ZNF277: variants seen among roughly 807,000 people sequenced by gnomAD.
ZNF277 encodes zinc finger protein 277, also known as nuclear receptor-interacting factor 4.
ZNF277 carries 55 observed loss-of-function variants against 60.7 expected under a neutral mutation model. The ratio of observed to expected loss-of-function variants is 0.91; its 90% confidence interval spans 0.73 to 1.13. ZNF277 has a LOEUF of 1.13. ZNF277 is among the 50% of genes most tolerant of loss of function. The pLI is 0.00. For synonymous variants in ZNF277, 178 were observed against 179.3 expected, an observed-to-expected ratio of 0.99 and a Z score of 0.06; for missense variants, 510 against 523.0, an observed-to-expected ratio of 0.98 and a Z score of 0.24.
Position 112,317,893 on chromosome 7 carries a change from G to A in ZNF277, c.466-289G>A, listed in dbSNP as rs532439768. Among the ~76,000 whole-genome samples, 2 of 152,160 alleles carry A rather than the reference G, an allele frequency of 1.3e-5. 1 individual carries two copies. The highest frequency in any genetic ancestry group is 4.8e-5 in the African/African-American group (2 of 41,534). On this transcript the variant is annotated intron_variant, in intron 4 of 11. Transcript: ENST00000361822. ...AGATCCCAGCACAATTTTGGTTTTG[G>A]AAGAGGATAGGGATGGGAAAACACT...
chr7:112,325,225 C>A (rs1793068300), intron 5 of ZNF277, among the ~76,000 whole-genome samples: 1 of 152,192 alleles, frequency 6.6e-6, no homozygotes, highest in Non-Finnish European at 1.5e-5. Context: ...GGCTTGGAAT[C>A]CTGGGTAGTC....
At chr7:112,276,325 C>T (rs1459437301) in intron 1 of ZNF277, among the ~76,000 whole-genome samples, 1 of 152,182 alleles carries the variant, frequency 6.6e-6, no homozygotes, top group East Asian at 1.9e-4. Flanking sequence ...TATTCTTATT[C>T]AACCCCTGCG....
At chr7:112,262,502 TG>T (rs1325722791) in intron 1 of ZNF277, among the ~76,000 whole-genome samples, 1 of 152,126 alleles carries the variant, frequency 6.6e-6, no homozygotes, top group Non-Finnish European at 1.5e-5. Flanking sequence ...TATTTATTTA[TG>T]AAAAAAGTAC....
At chr7:112,336,448 TGCTCAG>T (rs1793336714) in intron 8 of ZNF277, among the ~76,000 whole-genome samples, 1 of 152,224 alleles carries the variant, frequency 6.6e-6, no homozygotes, top group African/African-American at 2.4e-5. Flanking sequence ...GTGCTTTGCC[TGCTCAG>T]TTAGTGCTCA....
rs201063302 is a variant in ZNF277, at chr7:112,235,343, A to T, written c.91+28536A>T. 2.8e-4 allele frequency among the ~76,000 whole-genome samples: 43 copies of T among 152,188 alleles called. No individual in the cohort carries two copies. In the East Asian group the frequency reaches 8.1e-3, roughly 29 times the overall value. On this transcript the variant is annotated intron_variant, in intron 1 of 11. Coordinates refer to ENST00000361822, the MANE Select transcript of ZNF277 (RefSeq NM_021994.3). ...TATGATTGACATTTTGAACTGTCAAACTGTTATAAAACAGCTGTACCAGTT... is the reference window on the plus strand; with the variant it reads ...TATGATTGACATTTTGAACTGTCAATCTGTTATAAAACAGCTGTACCAGTT...
At chr7:112,340,422 T>C (rs1563235202) in intron 10 of ZNF277, among the ~76,000 whole-genome samples, 1 of 152,236 alleles carries the variant, frequency 6.6e-6, no homozygotes, top group Non-Finnish European at 1.5e-5. Context: ...TGCTAATAGA[T>C]CTAAGACAGT....
chr7:112,270,855 C>T (rs879265870), intron 1 of ZNF277, among the ~76,000 whole-genome samples: 1 of 151,746 alleles, frequency 6.6e-6, no homozygotes, highest in Non-Finnish European at 1.5e-5. Flanking sequence ...TTTGTGCTTT[C>T]ACATAAAGCA....
chr7:112,342,536 A>G, intron 11 of ZNF277, 25 bp from the exon 12 acceptor site: 1 of 1,566,996 alleles, frequency 6.4e-7, no homozygotes, highest in Middle Eastern at 1.8e-4. Context: ...GTAATTTAAT[A>G]CTATGTATCT....
At chr7:112,306,466 C>T (rs930465825) in intron 4 of ZNF277, among the ~76,000 whole-genome samples, 2 of 152,070 alleles carry the variant, frequency 1.3e-5, no homozygotes, top group East Asian at 1.9e-4. Context: ...TGGCCCGCCT[C>T]GGCCTCCCAA....
At position 112,318,284 on chromosome 7, in the gene ZNF277, T is replaced by A. The variant is rs3823515; in HGVS notation, c.557+11T>A. ...ATTCCTTGGAAACAGGTTTGCCATT[T>A]TGCATCTTTAAATGTTACTGTTTTT... On this transcript the variant is annotated intron_variant, in intron 5 of 11. Transcript: ENST00000361822. The A allele has an allele frequency of 0.18, 288,926 of 1,606,850 alleles. 30,412 individuals carry two copies. The highest frequency in any genetic ancestry group is 0.44 in the African/African-American group (32,699 of 74,828).
chr7:112,267,458 C>T (rs906201149), intron 1 of ZNF277, among the ~76,000 whole-genome samples: 1 of 152,102 alleles, frequency 6.6e-6, no homozygotes, highest in Non-Finnish European at 1.5e-5. Flanking sequence ...TTATCACGTT[C>T]TATTTGAAAG....
At chr7:112,331,675 C>A (rs536978961) in intron 7 of ZNF277, among the ~76,000 whole-genome samples, 1 of 152,280 alleles carries the variant, frequency 6.6e-6, no homozygotes, top group South Asian at 2.1e-4. Flanking sequence ...GTTTTACAAC[C>A]AGCTAAAGGC....
In ZNF277 at chr7:112,311,491, G is replaced by A. The variant is rs145264618; in HGVS notation, c.466-6691G>A. Among the ~76,000 whole-genome samples the A allele has an allele frequency of 5.9e-5, 9 of 152,128 alleles. No individual in the cohort carries two copies. The East Asian group carries it at 1.5e-3, about 26-fold the overall frequency. On this transcript the variant is annotated intron_variant, in intron 4 of 11. Coordinates refer to ENST00000361822, the MANE Select transcript of ZNF277 (RefSeq NM_021994.3). ...CTCCCTATTCCTAGTATATAGCCAAGAATAAACTTAAATGAATAAAACCTG... is the reference window on the plus strand; with the variant it reads ...CTCCCTATTCCTAGTATATAGCCAAAAATAAACTTAAATGAATAAAACCTG...
chr7:112,341,137 G>T, intron 11 of ZNF277, 91 bp downstream of exon 11: 1 of 1,085,782 alleles, frequency 9.2e-7, no homozygotes, highest in South Asian at 2.0e-5. Context: ...AGAAAAAAAA[G>T]GAATACATAT....
chr7:112,215,610 C>T (rs1176184067), intron 1 of ZNF277, among the ~76,000 whole-genome samples: 1 of 152,216 alleles, frequency 6.6e-6, no homozygotes, highest in Non-Finnish European at 1.5e-5. Flanking sequence ...CTGTGATATG[C>T]ATGCCTTGCC....
At position 112,264,736 on chromosome 7, in the gene ZNF277, G is replaced by A. The variant is rs184543938; in HGVS notation, c.92-22137G>A. Among the ~76,000 whole-genome samples, 275 of 151,774 alleles carry A rather than the reference G, an allele frequency of 1.8e-3. 3 individuals are homozygous for A. Among genetic ancestry groups the A allele is most frequent in the African/African-American group, 6.0e-3 (248 of 41,110 alleles). ...ATAAAGACAATATTCACAATAAAGCGAGTCACATGGATTTTTTTGGTTTCC... is the reference window on the plus strand; with the variant it reads ...ATAAAGACAATATTCACAATAAAGCAAGTCACATGGATTTTTTTGGTTTCC... On this transcript the variant is annotated intron_variant, in intron 1 of 11. Transcript: ENST00000361822.
intron 1 of ZNF277, among the ~76,000 whole-genome samples, chr7:112,214,430 C>T (rs996175729): frequency 1.4e-4 from 21 of 152,140 alleles, no homozygotes; most frequent in Non-Finnish European, 2.9e-5. Flanking sequence ...TTGACAGTAC[C>T]TTAAAGACTT....
intron 1 of ZNF277, among the ~76,000 whole-genome samples, chr7:112,212,676 C>T (rs1005442218): frequency 3.9e-5 from 6 of 152,162 alleles, no homozygotes; most frequent in African/African-American, 1.4e-4. Flanking sequence ...TGTGGAGTAA[C>T]CCTGGGGAAG....
intron 2 of ZNF277, among the ~76,000 whole-genome samples, chr7:112,295,652 G>T (rs953929700): frequency 4.6e-5 from 7 of 151,974 alleles, no homozygotes; most frequent in Admixed American, 4.6e-4. Flanking sequence ...TCATTTTCAT[G>T]CCCTTACATG....
Sources: gnomAD v4.1 joint callset for allele counts (sites outside exome capture counted in the v4.1 genomes callset) on GRCh38, gnomAD v4.1.1 for gene constraint, MANE v1.5 for transcripts, NCBI Gene and HGNC (gene_info 2026-07-23, HGNC 2026-07-21) for gene names.